SPINK5: variants seen among roughly 807,000 people sequenced by gnomAD.
SPINK5 encodes the protein serine protease inhibitor Kazal-type 5.
SPINK5 carries 125 observed loss-of-function variants against 151.8 expected under a neutral mutation model. That is an observed-to-expected ratio of 0.82 (90% CI 0.71 to 0.96). The LOEUF is 0.96. Ranked by LOEUF, SPINK5 falls within the 40% of genes least tolerant of loss-of-function variation. SPINK5 has a pLI of 0.00. For missense variants in SPINK5, 1,194 were observed against 1,291.9 expected, an observed-to-expected ratio of 0.92 and a Z score of 1.16; for synonymous variants, 374 against 395.3, an observed-to-expected ratio of 0.95 and a Z score of 0.64.
intron 32 of SPINK5, among the ~76,000 whole-genome samples, chr5:148,136,472 C>A (rs1416634735): frequency 6.6e-6 from 1 of 152,080 alleles, no homozygotes; most frequent in Non-Finnish European, 1.5e-5. Flanking sequence ...CCCTCGCCCC[C>A]TTTAAGATTA....
intron 9 of SPINK5, 123 bp from the exon 10 acceptor site, chr5:148,095,695 G>A: frequency 1.3e-6 from 1 of 770,492 alleles, no homozygotes; most frequent in Non-Finnish European, 2.2e-6. Context: ...GGGATTTGAG[G>A]TGTTTTTAAA....
chr5:148,104,463 T>C (rs1753727436), intron 15 of SPINK5, among the ~76,000 whole-genome samples: 1 of 152,216 alleles, frequency 6.6e-6, no homozygotes, highest in African/African-American at 2.4e-5. Context: ...CACCATTCTC[T>C]TGAGGTAGAG....
rs397777404 is a variant in SPINK5 at position 148,088,835 on chromosome 5, T to TA, written c.474+241dup. ...TCTTTCAATCTATTGCTGCTTTGTA[T>TA]AAAAAAAAAAAGAAGAAGAAGAAAT... On this transcript the variant is annotated intron_variant, in intron 6 of 32. Coordinates refer to ENST00000256084, the MANE Select transcript of SPINK5 (RefSeq NM_006846.4). 0.65 allele frequency among the ~76,000 whole-genome samples: 95,632 copies of TA among 146,350 alleles called. 31,158 individuals are homozygous for TA. The highest frequency in any genetic ancestry group is 0.78 in the East Asian group (3,882 of 4,960).
intron 15 of SPINK5, 61 bp from the exon 16 acceptor site, chr5:148,104,891 G>C (rs533782210): frequency 2.7e-6 from 4 of 1,494,704 alleles, no homozygotes; most frequent in Non-Finnish European, 3.6e-6. Flanking sequence ...GAGAGACTCC[G>C]TCTCAAAAAA....
chr5:148,116,439 C>T lies in SPINK5; in HGVS notation c.2085C>T (p.Ser695=). 1 of 1,614,034 alleles carries T rather than the reference C, an allele frequency of 6.2e-7. No individual in the cohort carries two copies. The highest frequency in any genetic ancestry group is 8.5e-7 in the Non-Finnish European group (1 of 1,179,992). The change falls in exon 22 of 33, where the codon TCC becomes TCT. Residue 695 remains serine, a synonymous_variant. Transcript: ENST00000256084. ...AGAGAAATGCTGCAGGACATGGTTC[C>T]AGTGGTGGTGGAGGAGGAAACACTC... The part of the protein sequence containing the change: ...EDQRNAAGHG[S]SGGGGGNTQD...
intron 9 of SPINK5, among the ~76,000 whole-genome samples, chr5:148,095,007 C>T (rs550963690): frequency 1.3e-5 from 2 of 152,020 alleles, no homozygotes; most frequent in Admixed American, 6.6e-5. Context: ...ATGACACTTT[C>T]GGCTTCTCTA....
chr5:148,118,406 C>A (rs1293974747), intron 22 of SPINK5, 31 bp from the exon 23 acceptor site: 2 of 1,613,706 alleles, frequency 1.2e-6, no homozygotes, highest in East Asian at 2.2e-5. Context: ...ACTAAGTAAT[C>A]CAGGGGCTCT....
chr5:148,124,108 T>A, intron 27 of SPINK5, 148 bp downstream of exon 27: 3 of 998,028 alleles, frequency 3.0e-6, no homozygotes, highest in Non-Finnish European at 4.5e-6. Context: ...TCCAAAGCAC[T>A]TTCACAATAA....
chr5:148,109,762 C>T (rs1306805175), intron 18 of SPINK5, among the ~76,000 whole-genome samples: 1 of 152,082 alleles, frequency 6.6e-6, no homozygotes, highest in African/African-American at 2.4e-5. Flanking sequence ...CTACAATCTA[C>T]TCTCAACTCT....
At position 148,122,814 on chromosome 5, in the gene SPINK5, C is replaced by T. The variant is rs547987963; in HGVS notation, c.2539-1019C>T. On this transcript the variant is annotated intron_variant, in intron 26 of 32. Coordinates refer to ENST00000256084, the MANE Select transcript of SPINK5 (RefSeq NM_006846.4). ...GCGTATTTATCTTATAAGATTTTTACAACCACTAAAGGAAATCTATTAAAC... is the reference window on the plus strand; with the variant it reads ...GCGTATTTATCTTATAAGATTTTTATAACCACTAAAGGAAATCTATTAAAC... 1.8e-4 allele frequency among the ~76,000 whole-genome samples: 27 copies of T among 150,672 alleles called. No homozygotes were observed. The East Asian group carries it at 4.9e-3, about 27-fold the overall frequency.
chr5:148,097,121 C>T (rs147310532), intron 10 of SPINK5, among the ~76,000 whole-genome samples: 1 of 132,786 alleles, frequency 7.5e-6, no homozygotes, highest in Non-Finnish European at 1.7e-5. Context: ...CTCTCTTTCT[C>T]TCTTTTTTAA....
At chr5:148,122,705 A>G (rs1464623424) in intron 26 of SPINK5, among the ~76,000 whole-genome samples, 4 of 152,198 alleles carry the variant, frequency 2.6e-5, no homozygotes, top group Non-Finnish European at 4.4e-5. Context: ...CCTGGTGGTT[A>G]GCAGGTTTCT....
intron 26 of SPINK5, among the ~76,000 whole-genome samples, chr5:148,122,231 A>C (rs1415854148): frequency 6.6e-6 from 1 of 152,184 alleles, no homozygotes; most frequent in Non-Finnish European, 1.5e-5. Flanking sequence ...CAGTCAGAGG[A>C]GTGCTATTAT....
intron 15 of SPINK5, among the ~76,000 whole-genome samples, chr5:148,103,597 T>C (rs1361664982): frequency 6.6e-6 from 1 of 152,190 alleles, no homozygotes; most frequent in African/African-American, 2.4e-5. Flanking sequence ...CATATAAAGA[T>C]GTATGAACAA....
intron 31 of SPINK5, among the ~76,000 whole-genome samples, chr5:148,132,833 G>A (rs933429517): frequency 2.0e-5 from 3 of 152,034 alleles, no homozygotes; most frequent in South Asian, 4.1e-4. Context: ...TCATAGGCTC[G>A]TGGAGTACTT....
At chr5:148,116,333 A>C in intron 21 of SPINK5, 37 bp from the exon 22 acceptor site, 1 of 1,603,120 alleles carries the variant, frequency 6.2e-7, no homozygotes, top group Non-Finnish European at 8.5e-7. Flanking sequence ...ACTCTCTGTA[A>C]TCTATTGTTC....
chr5:148,076,313 C>T (rs1482004947), intron 4 of SPINK5, among the ~76,000 whole-genome samples: 1 of 151,660 alleles, frequency 6.6e-6, no homozygotes, highest in Non-Finnish European at 1.5e-5. Flanking sequence ...TAGAAACTAT[C>T]ATTTTCTTAG....
chr5:148,108,730 T>C, intron 17 of SPINK5, 23 bp from the exon 18 acceptor site: 1 of 1,607,878 alleles, frequency 6.2e-7, no homozygotes, highest in Non-Finnish European at 8.5e-7. Flanking sequence ...ATATTCAGCC[T>C]ATATCTTCTT....
intron 1 of SPINK5, among the ~76,000 whole-genome samples, chr5:148,064,884 G>A (rs965930455): frequency 6.6e-6 from 1 of 152,046 alleles, no homozygotes; most frequent in African/African-American, 2.4e-5. Flanking sequence ...TAATAAGGAG[G>A]TAGAGCTGCC....
Sources: allele counts gnomAD v4.1 joint callset (sites outside exome capture counted in the v4.1 genomes callset), GRCh38; gene constraint gnomAD v4.1.1; transcripts MANE v1.5; gene names NCBI Gene and HGNC (gene_info 2026-07-23, HGNC 2026-07-21).